The following CATSPERE variants were observed in gnomAD, a reference collection of about 807,000 sequenced individuals.
CATSPERE encodes the protein catsper channel auxiliary subunit epsilon.
Under a neutral mutation model 114.1 loss-of-function variants are expected in CATSPERE, and 93 were observed. The observed-to-expected ratio is 0.81, with a 90% CI of 0.69 to 0.97. The LOEUF (loss-of-function observed/expected upper bound fraction) is 0.97. Among genes scored for constraint, CATSPERE ranks in the 50% least tolerant of loss-of-function variants. The pLI, the probability that CATSPERE is intolerant of heterozygous loss-of-function variation, is 0.00. For missense variants in CATSPERE, 1,058 were observed against 1,131.6 expected (o/e 0.93, Z 0.93); for synonymous variants, 341 against 384.1 (o/e 0.89, Z 1.31).
intron 9 of CATSPERE, among the ~76,000 whole-genome samples, chr1:244,553,642 C>CACACACACACACAT (rs1228966092): frequency 1.5e-5 from 2 of 130,528 alleles, no homozygotes; most frequent in Admixed American, 7.2e-5. Context: ...CACACACACA[C>CACACACACACACAT]ACATACATAT....
At chr1:244,585,917 T>A (rs1336211884) in intron 13 of CATSPERE, among the ~76,000 whole-genome samples, 2 of 152,190 alleles carry the variant, frequency 1.3e-5, no homozygotes, top group Admixed American at 1.3e-4. Context: ...CGAGATGAAC[T>A]TTCCCTGGGA....
At chr1:244,631,128 A>G (rs923953021) in intron 20 of CATSPERE, among the ~76,000 whole-genome samples, 1 of 152,178 alleles carries the variant, frequency 6.6e-6, no homozygotes, top group African/African-American at 2.4e-5. Flanking sequence ...ATGGAGCGTG[A>G]TAAGAACTGG....
chr1:244,573,057 GT>G lies in CATSPERE; in HGVS notation c.1950+286del, dbSNP rs1029441166. 6.7e-6 allele frequency among the ~76,000 whole-genome samples: 1 copy of G among 150,220 alleles called. No homozygotes were observed. The highest frequency in any genetic ancestry group is 1.5e-5 in the Non-Finnish European group (1 of 67,676). On this transcript the variant is annotated intron_variant, in intron 11 of 21. Coordinates refer to ENST00000366534, the MANE Select transcript of CATSPERE (RefSeq NM_001130957.2). The surrounding 1 kb of genome is among the most constrained non-coding windows in gnomAD (Gnocchi z 4.0). ...TTTTTTTTTAATGCATGGCTTTCCT[GT>G]AGACTCCTGTTGTCTATTGTAGTAT...
intron 7 of CATSPERE, among the ~76,000 whole-genome samples, chr1:244,505,931 G>A (rs770422518): frequency 6.6e-6 from 1 of 152,046 alleles, no homozygotes; most frequent in Admixed American, 6.6e-5. Context: ...ACTTGAACCC[G>A]GGAGGCGGAG....
chr1:244,531,512 GTT>G (rs201444197), intron 8 of CATSPERE, among the ~76,000 whole-genome samples: 13 of 146,918 alleles, frequency 8.8e-5, no homozygotes, highest in African/African-American at 2.4e-4. Context: ...TCTATACCCA[GTT>G]TTTAAAATTT....
intron 10 of CATSPERE, among the ~76,000 whole-genome samples, chr1:244,564,360 A>G (rs567575852): frequency 1.3e-5 from 2 of 152,272 alleles, no homozygotes; most frequent in Admixed American, 6.5e-5. Flanking sequence ...CATTTTCACA[A>G]TACTGATTCT....
chr1:244,532,410 T>C (rs1679758246), intron 8 of CATSPERE, among the ~76,000 whole-genome samples: 1 of 152,164 alleles, frequency 6.6e-6, no homozygotes, highest in Admixed American at 6.6e-5. Context: ...GTTGTTTATT[T>C]GATGTTTTTC....
At chr1:244,595,865 G>A (rs113788060) in intron 17 of CATSPERE, among the ~76,000 whole-genome samples, 6,198 of 152,194 alleles carry the variant, frequency 0.041, 161 homozygotes, top group Admixed American at 0.082. Flanking sequence ...CCCAGGAGGC[G>A]GAGCTTGCAG....
intron 13 of CATSPERE, among the ~76,000 whole-genome samples, chr1:244,586,130 A>C (rs1666991075): frequency 6.6e-6 from 1 of 152,274 alleles, no homozygotes; most frequent in East Asian, 1.9e-4. Context: ...AATCTCTCTA[A>C]TTAGGTGTCC....
rs761639258 is a variant in CATSPERE, at chr1:244,635,538, C to G, written c.2698C>G (p.Pro900Ala). 6.8e-6 allele frequency: 11 copies of G among 1,611,424 alleles called. No homozygotes were observed. Among genetic ancestry groups the G allele is most frequent in the Non-Finnish European group, 8.5e-6 (10 of 1,178,062 alleles). ...MFAIETFGLIPSPSVYLVASF... is the reference protein window; with the variant it reads ...MFAIETFGLIASPSVYLVASF... ...TGCAATAGAGACATTTGGACTGATT[C>G]CCAGGTAAGGAGCAGGGCCTAACTG... is the stretch of plus-strand genomic sequence containing the variant. Residue 900 changes from proline (P) to alanine (A), a missense_variant, in exon 21 of 22, where the codon CCC becomes GCC. Pro to Ala is a conservative substitution (Grantham distance 27, BLOSUM62 -1). Transcript: ENST00000366534.
chr1:244,562,153 CAAA>C (rs11313998), intron 10 of CATSPERE, among the ~76,000 whole-genome samples: 10 of 70,154 alleles, frequency 1.4e-4, no homozygotes, highest in Non-Finnish European at 2.0e-4. Flanking sequence ...GATCCTGTCT[CAAA>C]AAAAAAAAAA....
rs567880096 is a variant in CATSPERE, at chr1:244,612,060, C to T, written c.2490+1734C>T. Among the ~76,000 whole-genome samples, 7 of 152,180 alleles carry T rather than the reference C, an allele frequency of 4.6e-5. No individual in the cohort carries two copies. In the East Asian group the frequency reaches 9.7e-4, roughly 21 times the overall value. On this transcript the variant is annotated intron_variant, in intron 19 of 21. Coordinates refer to ENST00000366534, the MANE Select transcript of CATSPERE (RefSeq NM_001130957.2). ...CGTTTCAGAGCAATTGAAATAGTAG[C>T]GTACAGTCTAGAAAGACTCTGGAGT...
Position 244,499,037 on chromosome 1 carries a change from A to G in CATSPERE, c.387A>G (p.Ala129=), listed in dbSNP as rs1159837938. 3 of 1,613,208 alleles carry G rather than the reference A, an allele frequency of 1.9e-6. No homozygotes were observed. The highest frequency in any genetic ancestry group is 2.2e-5 in the South Asian group (2 of 91,034). ...ITVWAYDPES[A]DPDELLGNAE... is the part of the protein sequence containing the mutation. Reference sequence around the variant, plus strand: ...TGTGGGCATATGATCCAGAAAGTGCAGATCCTGATGAGTTGCTGGGGAATG... The same window carrying G: ...TGTGGGCATATGATCCAGAAAGTGCGGATCCTGATGAGTTGCTGGGGAATG... The change falls in exon 7 of 22, where the codon GCA becomes GCG. Residue 129 remains alanine, a synonymous_variant. Transcript: ENST00000366534.
At chr1:244,565,747 C>T (rs1245155503) in intron 10 of CATSPERE, among the ~76,000 whole-genome samples, 2 of 150,432 alleles carry the variant, frequency 1.3e-5, no homozygotes, top group Non-Finnish European at 2.9e-5. Flanking sequence ...TTCATAGATT[C>T]ATAGATTTCA....
At chr1:244,580,329 A>C (rs553681990) in intron 11 of CATSPERE, among the ~76,000 whole-genome samples, 2 of 150,834 alleles carry the variant, frequency 1.3e-5, no homozygotes, top group African/African-American at 4.9e-5. Flanking sequence ...AACATTTAAC[A>C]TCTCTGAAAT....
intron 8 of CATSPERE, among the ~76,000 whole-genome samples, chr1:244,526,878 C>T (rs923006011): frequency 6.6e-6 from 1 of 152,080 alleles, no homozygotes. Flanking sequence ...GGAGACATCA[C>T]ATGTCAGCAG....
At chr1:244,518,448 C>G (rs558799499) in intron 7 of CATSPERE, 144 bp from the exon 8 acceptor site, 18 of 563,034 alleles carry the variant, frequency 3.2e-5, no homozygotes, top group African/African-American at 2.6e-4. Context: ...GTAGAAAGAA[C>G]AAAGCTGAAT....
chr1:244,523,991 A>G lies in CATSPERE; in HGVS notation c.536+5293A>G, dbSNP rs1188172422. Among the ~76,000 whole-genome samples the G allele has an allele frequency of 6.0e-5, 9 of 149,184 alleles. No homozygotes were observed. In the South Asian group the frequency reaches 1.3e-3, roughly 21 times the overall value. ...TCACAGAATTGGAAAAAACTACTTT[A>G]AAGTTCATATGGAACCAAAAAAGAG... is the stretch of plus-strand genomic sequence containing the variant. On this transcript the variant is annotated intron_variant, in intron 8 of 21. Coordinates refer to ENST00000366534, the MANE Select transcript of CATSPERE (RefSeq NM_001130957.2).
At chr1:244,545,392 A>G (rs1659585717) in intron 8 of CATSPERE, among the ~76,000 whole-genome samples, 1 of 152,188 alleles carries the variant, frequency 6.6e-6, no homozygotes, top group South Asian at 2.1e-4. Context: ...AAAAGCTGTG[A>G]GTTTTCAGTG....
Sources: allele counts gnomAD v4.1 joint callset (sites outside exome capture counted in the v4.1 genomes callset), GRCh38; gene constraint gnomAD v4.1.1; non-coding constraint Gnocchi (gnomAD v3.1); transcripts MANE v1.5; gene names NCBI Gene and HGNC (gene_info 2026-07-23, HGNC 2026-07-21).